SULT2A1: variants seen among roughly 807,000 people sequenced by gnomAD.
The protein encoded by SULT2A1 is sulfotransferase family 2A member 1.
A neutral mutation model predicts 33.9 loss-of-function variants in SULT2A1; 43 were observed. The observed-to-expected ratio is 1.27, with a 90% confidence interval of 1.00 to 1.64. The LOEUF (loss-of-function observed/expected upper bound fraction) is 1.64. SULT2A1 is among the 40% of genes most tolerant of loss of function. The probability of loss-of-function intolerance (pLI) is 0.00; values close to 1 mark genes in which losing one functional copy is unlikely to be tolerated. For missense variants in SULT2A1, 300 were observed against 335.1 expected (o/e 0.90, Z 0.82); for synonymous variants, 125 against 113.6 (o/e 1.10, Z -0.64).
At chr19:47,884,776 G>A (rs1036497873) in intron 1 of SULT2A1, among the ~76,000 whole-genome samples, 5 of 148,338 alleles carry the variant, frequency 3.4e-5, no homozygotes, top group South Asian at 2.1e-4. Context: ...GACTGTAGGC[G>A]TGAGCCACTG....
chr19:47,873,582 C>T (rs1968512850), intron 5 of SULT2A1, among the ~76,000 whole-genome samples: 1 of 146,006 alleles, frequency 6.8e-6, no homozygotes, highest in Non-Finnish European at 1.5e-5. Flanking sequence ...GTGAGGCATT[C>T]CTTCACACAT....
chr19:47,884,804 C>CTTTTTTTTT (rs71181611), intron 1 of SULT2A1, among the ~76,000 whole-genome samples: 2 of 64,008 alleles, frequency 3.1e-5, no homozygotes, highest in Admixed American at 2.3e-4. Flanking sequence ...CTCTCAACCA[C>CTTTTTTTTT]TTTTTTTTTT....
intron 4 of SULT2A1, 151 bp downstream of exon 4, chr19:47,878,885 C>A: frequency 1.5e-6 from 1 of 656,136 alleles, no homozygotes; most frequent in Non-Finnish European, 2.8e-6. Flanking sequence ...GCAATGAAGA[C>A]CAGGGAGTTA....
At chr19:47,872,487 C>G (rs755199526) in intron 5 of SULT2A1, among the ~76,000 whole-genome samples, 8 of 152,132 alleles carry the variant, frequency 5.3e-5, no homozygotes, top group Non-Finnish European at 1.0e-4. Flanking sequence ...ACTCCTCAGA[C>G]TATTGGCGTC....
rs1334503325 is a variant in SULT2A1, at chr19:47,880,256, A to AAC, written c.473-1127_473-1126insGT. Among the ~76,000 whole-genome samples, 242 of 150,626 alleles carry AAC rather than the reference A, an allele frequency of 1.6e-3. 1 individual carries two copies. Among genetic ancestry groups the AAC allele is most frequent in the African/African-American group, 5.6e-3 (231 of 40,956 alleles). On this transcript the variant is annotated intron_variant, in intron 3 of 5. Transcript: ENST00000222002. ...TGTCTCAAAAAAAAAAAAAAAAAAA[A>AAC]AACCTGAAGCTGTAATAAATAAATA...
At chr19:47,874,274 CTCATGCCTGTAATCCCAGCACTTTGG>C (rs1968521006) in intron 5 of SULT2A1, among the ~76,000 whole-genome samples, 1 of 152,112 alleles carries the variant, frequency 6.6e-6, no homozygotes, top group African/African-American at 2.4e-5. Flanking sequence ...GGCGCCGTGG[CTCATGCCTGTAATCCCAGCACTTTGG>C]GAGGCCGAGG....
intron 4 of SULT2A1, among the ~76,000 whole-genome samples, chr19:47,877,116 G>A (rs1253422727): frequency 1.3e-5 from 2 of 151,134 alleles, no homozygotes; most frequent in African/African-American, 2.4e-5. Flanking sequence ...CCAGACCATA[G>A]GCCATAGAGG....
rs1400703913 is a variant in SULT2A1, at chr19:47,872,010, C to T, written c.746-443G>A. ...TTGGCTCACTGCAACCTCTGCCTCC[C>T]GAGTTCAAGCAGTTCTCGTGCCTCA... On this transcript the variant is annotated intron_variant, in intron 5 of 5. Transcript: ENST00000222002. Among the ~76,000 whole-genome samples the T allele has an allele frequency of 7.9e-5, 12 of 151,976 alleles. No homozygotes were observed. The East Asian group carries it at 1.2e-3, about 15-fold the overall frequency.
At chr19:47,884,463 C>A (rs1165097678) in intron 1 of SULT2A1, among the ~76,000 whole-genome samples, 1 of 141,494 alleles carries the variant, frequency 7.1e-6, no homozygotes, top group African/African-American at 2.6e-5. Context: ...CAGGCGTGAG[C>A]CACTGCGCCT....
intron 3 of SULT2A1, among the ~76,000 whole-genome samples, chr19:47,881,145 C>T (rs546062929): frequency 5.9e-5 from 9 of 152,192 alleles, no homozygotes; most frequent in Non-Finnish European, 7.4e-5. Context: ...AAGCAATTCT[C>T]GTGCCTCAGC....
rs377270215 is a variant in SULT2A1, at chr19:47,883,590, C to A, written c.332G>T (p.Ser111Ile). 13 of 1,613,976 alleles carry A rather than the reference C, an allele frequency of 8.1e-6. No homozygotes were observed. Among genetic ancestry groups the A allele is most frequent in the Non-Finnish European group, 1.1e-5 (13 of 1,180,026 alleles). Residue 111 changes from serine to isoleucine, a missense_variant, in exon 2 of 6, where the codon AGT (serine) becomes ATT (isoleucine). Coordinates refer to ENST00000222002, the MANE Select transcript of SULT2A1 (RefSeq NM_003167.4). The stretch of plus-strand genomic sequence containing the variant: ...TTATGCACTGACCTTGGCCTTGGAA[C>A]TGAAGAAAGACTTGGGGAATAACTG... Reference protein sequence around the residue: ...PIQLFPKSFFSSKAKVIYLMR... With the variant: ...PIQLFPKSFFISKAKVIYLMR...
At chr19:47,872,027 C>T (rs1015171789) in intron 5 of SULT2A1, among the ~76,000 whole-genome samples, 6 of 151,966 alleles carry the variant, frequency 3.9e-5, no homozygotes, top group Non-Finnish European at 5.9e-5. Context: ...AAGCAGTTCT[C>T]GTGCCTCAGC....
At chr19:47,879,495 G>A (rs563278633) in intron 3 of SULT2A1, among the ~76,000 whole-genome samples, 1 of 152,158 alleles carries the variant, frequency 6.6e-6, no homozygotes, top group East Asian at 1.9e-4. Context: ...TCCTCACAAG[G>A]CGGCAGGAGG....
rs569170139 is a variant in SULT2A1 at position 47,877,908 on chromosome 19, C to T, written c.567+1128G>A. Among the ~76,000 whole-genome samples the T allele has an allele frequency of 6.6e-5, 10 of 152,270 alleles. No individual in the cohort carries two copies. In the South Asian group the frequency reaches 8.3e-4, roughly 13 times the overall value. On this transcript the variant is annotated intron_variant, in intron 4 of 5. Coordinates refer to ENST00000222002, the MANE Select transcript of SULT2A1 (RefSeq NM_003167.4). ...GTATCATCGGACAGCTTTTCCTCTCCGTCACTATTCACTCCAGTACTTGGA... is the reference window on the plus strand; with the variant it reads ...GTATCATCGGACAGCTTTTCCTCTCTGTCACTATTCACTCCAGTACTTGGA...
At chr19:47,879,256 G>C in intron 3 of SULT2A1, 126 bp from the exon 4 acceptor site, 1 of 661,188 alleles carries the variant, frequency 1.5e-6, no homozygotes, top group Non-Finnish European at 2.7e-6. Flanking sequence ...AATGAAACTT[G>C]GTCGAAGGGG....
Position 47,874,723 on chromosome 19 carries a change from T to G in SULT2A1, c.679A>C (p.Lys227Gln), listed in dbSNP as rs11569680. 1.2e-6 allele frequency: 2 copies of G among 1,614,176 alleles called. No homozygotes were observed. The highest frequency in any genetic ancestry group is 1.7e-6 in the Non-Finnish European group (2 of 1,180,018). The change falls in exon 5 of 6, where the codon AAG becomes CAG. Residue 227 changes from lysine to glutamine, a missense_variant. By Grantham distance (53) the Lys-to-Gln change is moderately conservative. Transcript: ENST00000222002. ...NSSFQSMKEN[K>Q]MSNYSLLSVD... The stretch of plus-strand genomic sequence containing the variant: ...CTCAGGAGGGAATAATTGGACATCT[T>G]GTTTTCTTTCATGCTCTGAAAGGAG...
chr19:47,884,960 C>A (rs1003323530), intron 1 of SULT2A1, among the ~76,000 whole-genome samples: 1 of 151,466 alleles, frequency 6.6e-6, no homozygotes, highest in African/African-American at 2.4e-5. Flanking sequence ...TACAGACGTG[C>A]GCCACAGCGC....
At chr19:47,883,098 G>A (rs939805487) in intron 2 of SULT2A1, among the ~76,000 whole-genome samples, 2 of 152,002 alleles carry the variant, frequency 1.3e-5, no homozygotes, top group African/African-American at 4.8e-5. Flanking sequence ...ACAGTAAGAC[G>A]AAGTGTGTAC....
Position 47,874,638 on chromosome 19 carries a change from C to A in SULT2A1, c.745+19G>T, listed in dbSNP as rs1968525017. On this transcript the variant is annotated intron_variant, in intron 5 of 5. Transcript: ENST00000222002. ...CCGTGTATTCTGGTATATTTGGAAA[C>A]CAGAGGATTTTCTTTTACCTTTTCT... The A allele has an allele frequency of 1.2e-6, 2 of 1,603,700 alleles. No homozygotes were observed. Among genetic ancestry groups the A allele is most frequent in the East Asian group, 4.5e-5 (2 of 44,430 alleles).
Sources: allele counts gnomAD v4.1 joint callset (sites outside exome capture counted in the v4.1 genomes callset), GRCh38; gene constraint gnomAD v4.1.1; transcripts MANE v1.5; gene names NCBI Gene and HGNC (gene_info 2026-07-23, HGNC 2026-07-21).